The following TRA2A variants were observed in gnomAD, a reference collection of about 807,000 sequenced individuals.
TRA2A encodes transformer-2 protein homolog alpha.
Under a neutral mutation model 45.7 loss-of-function variants are expected in TRA2A, and 31 were observed. The ratio of observed to expected loss-of-function variants is 0.68; its 90% CI spans 0.51 to 0.92. The LOEUF is 0.92. TRA2A is among the 40% of genes least tolerant of loss of function. TRA2A has a pLI of 0.00. For missense variants in TRA2A, 304 were observed against 367.5 expected, an observed-to-expected ratio of 0.83 and a Z score of 1.41; for synonymous variants, 132 against 126.2, an observed-to-expected ratio of 1.05 and a Z score of -0.31.
At chr7:23,511,686 G>C (rs1054084483) in intron 4 of TRA2A, among the ~76,000 whole-genome samples, 1 of 151,716 alleles carries the variant, frequency 6.6e-6, no homozygotes, top group African/African-American at 2.4e-5. Context: ...GAGTTGTTCC[G>C]AGACCAGCCT....
chr7:23,523,589 T>C (rs151120151), intron 1 of TRA2A, among the ~76,000 whole-genome samples: 2 of 152,352 alleles, frequency 1.3e-5, no homozygotes, highest in African/African-American at 4.8e-5. Flanking sequence ...ACTGTACAAA[T>C]GCCACCTGGT....
intron 1 of TRA2A, among the ~76,000 whole-genome samples, chr7:23,522,729 A>G (rs566857287): frequency 1.5e-3 from 228 of 152,264 alleles, no homozygotes; most frequent in African/African-American, 5.1e-3. Flanking sequence ...TAATTCAAAT[A>G]TAAATCTAAC....
intron 4 of TRA2A, among the ~76,000 whole-genome samples, chr7:23,511,232 A>G (rs1250159412): frequency 4.0e-5 from 6 of 151,774 alleles, no homozygotes; most frequent in Non-Finnish European, 8.8e-5. Context: ...TTAGCTGGAC[A>G]TGGTGGCGGG....
At chr7:23,522,531 G>T in intron 1 of TRA2A, 3 of 246,216 alleles carry the variant, frequency 1.2e-5, no homozygotes, top group Non-Finnish European at 2.0e-5. Flanking sequence ...AAGCCAGCAG[G>T]TAAAGTGCAA....
Position 23,505,793 on chromosome 7 carries a change from T to A in TRA2A, c.791A>T (p.Tyr264Phe). The A allele has an allele frequency of 6.4e-7, 1 of 1,559,752 alleles. No homozygotes were observed. Among genetic ancestry groups the A allele is most frequent in the Admixed American group, 2.1e-5 (1 of 48,188 alleles). The change falls in exon 7 of 8, where the codon TAT becomes TTT. Residue 264 changes from tyrosine (Y) to phenylalanine (F), a missense_variant. Coordinates refer to ENST00000297071, the MANE Select transcript of TRA2A (RefSeq NM_013293.5). ...TGATCGTGATCTATATCGACTATAA[T>A]AAGGAGAAGGTGATCGTCTTCTGTA... ...YRYRRRSPSP[Y>F]YSRYRSRSRS...
chr7:23,524,815 C>T (rs1175139970), intron 1 of TRA2A, among the ~76,000 whole-genome samples: 1 of 152,022 alleles, frequency 6.6e-6, no homozygotes, highest in Non-Finnish European at 1.5e-5. Flanking sequence ...CCTTAGCCTC[C>T]TGAGTAGCTC....
chr7:23,514,896 T>C (rs146883283), intron 3 of TRA2A, among the ~76,000 whole-genome samples: 72 of 152,326 alleles, frequency 4.7e-4, no homozygotes, highest in African/African-American at 1.5e-3. Flanking sequence ...GGGAGAAGCA[T>C]AGTACAGCAT....
chr7:23,516,514 C>A lies in TRA2A; in HGVS notation c.185G>T (p.Arg62Ile). 1 of 1,614,018 alleles carries A rather than the reference C, an allele frequency of 6.2e-7. No homozygotes were observed. The highest frequency in any genetic ancestry group is 1.1e-5 in the South Asian group (1 of 91,058). ...TCGAGTGTAACGTCTATGAGAATGT[C>A]TCCTTGACCTCGACCTTTGAGAGAA... ...SRSKSRSRSR[R>I]HSHRRYTRSR... The change falls in exon 3 of 8, where the codon AGA becomes ATA. Residue 62 changes from arginine (R) to isoleucine (I), a missense_variant. Physicochemically the swap from Arg to Ile is moderately conservative, Grantham distance 97. Around this residue, in one of 3 missense-constraint regions of TRA2A, gnomAD observed 132 missense variants for 113.4 expected, o/e 1.16. Coordinates refer to ENST00000297071, the MANE Select transcript of TRA2A (RefSeq NM_013293.5).
intron 1 of TRA2A, among the ~76,000 whole-genome samples, chr7:23,525,736 C>T (rs1200838939): frequency 6.6e-6 from 1 of 152,190 alleles, no homozygotes; most frequent in Admixed American, 6.5e-5. Context: ...GGATTACAGG[C>T]ACCCGCCATC....
chr7:23,520,460 T>A (rs1209036630), intron 2 of TRA2A, among the ~76,000 whole-genome samples: 2 of 152,200 alleles, frequency 1.3e-5, no homozygotes, highest in Admixed American at 1.3e-4. Context: ...AGTGCTATTC[T>A]GCACATAATA....
Position 23,507,176 on chromosome 7 carries a change from C to T in TRA2A, c.641+244G>A, listed in dbSNP as rs1353788133. Reference sequence around the variant, plus strand: ...AGTCTCACTCTGTTGCCCAGGCTCACTGCAACCTCTGCCTCCCAAGTTCAA... The same window carrying T: ...AGTCTCACTCTGTTGCCCAGGCTCATTGCAACCTCTGCCTCCCAAGTTCAA... On this transcript the variant is annotated intron_variant, in intron 5 of 7. Transcript: ENST00000297071. 2.5e-5 allele frequency: 12 copies of T among 487,414 alleles called. No individual in the cohort carries two copies. The East Asian group carries it at 3.2e-4, about 13-fold the overall frequency. The allele number at this position is 487,414 out of a possible 1,614,324, so 30.2% of individuals were successfully genotyped here. A position where few individuals can be genotyped will look rare whatever the true frequency, so the allele number is the denominator to read the frequency against.
rs1205231678 is a variant in TRA2A, at chr7:23,504,897, G to T, written c.*662C>A. On this transcript the variant is annotated 3_prime_UTR_variant, in exon 8 of 8. Coordinates refer to ENST00000297071, the MANE Select transcript of TRA2A (RefSeq NM_013293.5). ...TCCCAATACCAAAATTTCTAACAGC[G>T]AATTATACAACTGCTCTAGGTAATA... 6.6e-6 allele frequency: 1 copy of T among 152,434 alleles called. No homozygotes were observed. Among genetic ancestry groups the T allele is most frequent in the Non-Finnish European group, 1.5e-5 (1 of 68,016 alleles). The allele number at this position is 152,434 out of a possible 1,614,324, so 9.4% of individuals were successfully genotyped here.
chr7:23,522,000 A>T (rs1790157080), intron 1 of TRA2A, 160 bp from the exon 2 acceptor site: 1 of 1,411,554 alleles, frequency 7.1e-7, no homozygotes, highest in Non-Finnish European at 9.3e-7. Context: ...CCCACTGTTA[A>T]TACTGCTAAC....
intron 7 of TRA2A, 51 bp downstream of exon 7, chr7:23,505,695 C>A (rs759284624): frequency 1.7e-6 from 2 of 1,182,002 alleles, no homozygotes; most frequent in South Asian, 3.0e-5. Flanking sequence ...CTAAAGTAAG[C>A]CATTAATTAG....
At chr7:23,507,273 A>G (rs565616814) in intron 5 of TRA2A, 147 bp downstream of exon 5, 1 of 607,230 alleles carries the variant, frequency 1.6e-6, no homozygotes, top group Non-Finnish European at 2.9e-6. Context: ...CTGATTTTTT[A>G]TTTTTTTTTA....
At chr7:23,515,108 T>C (rs140460033) in intron 3 of TRA2A, among the ~76,000 whole-genome samples, 2 of 152,160 alleles carry the variant, frequency 1.3e-5, no homozygotes, top group Non-Finnish European at 2.9e-5. Flanking sequence ...TAGCTATGAT[T>C]ACTACAAAGT....
intron 1 of TRA2A, among the ~76,000 whole-genome samples, chr7:23,526,694 ACTG>A (rs1351945686): frequency 6.6e-6 from 1 of 152,164 alleles, no homozygotes; most frequent in African/African-American, 2.4e-5. Context: ...TTAAACCGTA[ACTG>A]CTATTAGAAC....
chr7:23,521,068 G>A (rs919707964), intron 2 of TRA2A, among the ~76,000 whole-genome samples: 8 of 152,134 alleles, frequency 5.3e-5, no homozygotes, highest in Non-Finnish European at 7.3e-5. Context: ...TCACTATTGC[G>A]TTTCTGTTAT....
intron 2 of TRA2A, among the ~76,000 whole-genome samples, chr7:23,521,004 T>C (rs914264673): frequency 2.0e-5 from 3 of 152,152 alleles, no homozygotes; most frequent in Admixed American, 6.6e-5. Flanking sequence ...GTCTTAAAAC[T>C]TTTTATCCCA....
Sources: allele counts gnomAD v4.1 joint callset (sites outside exome capture counted in the v4.1 genomes callset), GRCh38; gene constraint gnomAD v4.1.1; regional missense constraint gnomAD v4.1.1; transcripts MANE v1.5; gene names NCBI Gene and HGNC (gene_info 2026-07-23, HGNC 2026-07-21).